TMTC4: variants seen among roughly 807,000 people sequenced by gnomAD.
TMTC4 encodes protein O-mannosyl-transferase TMTC4.
TMTC4 carries 65 observed loss-of-function variants against 86.0 expected under a neutral mutation model. The ratio of observed to expected loss-of-function variants is 0.76; its 90% CI spans 0.62 to 0.93. TMTC4 has a LOEUF of 0.93. Ranked by LOEUF, TMTC4 falls within the 40% of genes least tolerant of loss-of-function variation. The probability of loss-of-function intolerance (pLI) is 0.00; values close to 1 mark genes in which losing one functional copy is unlikely to be tolerated. For synonymous variants in TMTC4, 379 were observed against 382.5 expected (o/e 0.99, Z 0.11); for missense variants, 866 against 948.1 (o/e 0.91, Z 1.14).
chr13:100,630,498 C>T lies in TMTC4; in HGVS notation c.1506+4307G>A, dbSNP rs929371875. Among the ~76,000 whole-genome samples, 7 of 152,114 alleles carry T rather than the reference C, an allele frequency of 4.6e-5. No individual in the cohort carries two copies. The South Asian group carries it at 1.4e-3, about 31-fold the overall frequency. On this transcript the variant is annotated intron_variant, in intron 12 of 18. Transcript: ENST00000342624. ...TTGGAGGAGGCTCAGTTAATGCTAT[C>T]GCTGAAGTGTGTGTTGAGAAAAGTG...
intron 17 of TMTC4, among the ~76,000 whole-genome samples, chr13:100,609,081 C>T (rs1011122173): frequency 1.3e-5 from 2 of 152,048 alleles, no homozygotes; most frequent in South Asian, 2.1e-4. Context: ...AAGTTGAAAC[C>T]GTGACTCACA....
intron 6 of TMTC4, among the ~76,000 whole-genome samples, chr13:100,653,642 G>A (rs1419653734): frequency 2.0e-5 from 3 of 152,178 alleles, no homozygotes; most frequent in Non-Finnish European, 4.4e-5. Context: ...ATGGAATTGA[G>A]GCAGAATTCA....
In TMTC4 at chr13:100,612,654, TACACACACACACACACACACAC is replaced by T. The variant is rs60782137; in HGVS notation, c.1952-166_1952-145del. On this transcript the variant is annotated intron_variant, in intron 16 of 18. Coordinates refer to ENST00000342624, the MANE Select transcript of TMTC4 (RefSeq NM_032813.5). ...AAGAAAATCTGTGTAGATCATGTAA[TACACACACACACACACACACAC>T]ACACACACACACACACACGACGTTA... 2.2e-4 allele frequency: 98 copies of T among 449,118 alleles called. 2 individuals are homozygous for T. The highest frequency in any genetic ancestry group is 2.1e-3 in the South Asian group (69 of 32,458). The allele number at this position is 449,118 out of a possible 1,614,324, so 27.8% of individuals were successfully genotyped here.
In TMTC4 at chr13:100,625,805, C is replaced by T. The variant is rs2138809211; in HGVS notation, c.1674G>A (p.Leu558=). ...RNELQEAEEL[L]SLAVQIQPDF... ...CTTACTGTATTTGAACAGCCAAAGA[C>T]AGCAGCTCCTCAGCTTCCTGTAGCT... is the stretch of plus-strand genomic sequence containing the variant. The change falls in exon 14 of 19, where the codon CTG becomes CTA. Residue 558 remains leucine (L), a synonymous_variant. Coordinates refer to ENST00000342624, the MANE Select transcript of TMTC4 (RefSeq NM_032813.5). 1 of 1,613,814 alleles carries T rather than the reference C, an allele frequency of 6.2e-7. No individual in the cohort carries two copies.
At chr13:100,622,523 T>C (rs1879680113) in intron 15 of TMTC4, among the ~76,000 whole-genome samples, 1 of 152,208 alleles carries the variant, frequency 6.6e-6, no homozygotes, top group Non-Finnish European at 1.5e-5. Flanking sequence ...TGGTAGTGAC[T>C]AAGTCTCATG....
rs376582715 is a variant in TMTC4 at position 100,667,430 on chromosome 13, AAAC to A, written c.219+1146_219+1148del. 2.3e-3 allele frequency among the ~76,000 whole-genome samples: 356 copies of A among 152,288 alleles called. 2 individuals are homozygous for A. Among genetic ancestry groups the A allele is most frequent in the African/African-American group, 8.1e-3 (337 of 41,552 alleles). ...GGCAACAGAACGAGACTCTGTCTCA[AAAC>A]AACAACAACAACGAAAACCCATTAA... is the stretch of plus-strand genomic sequence containing the variant. On this transcript the variant is annotated intron_variant, in intron 3 of 18. Coordinates refer to ENST00000342624, the MANE Select transcript of TMTC4 (RefSeq NM_032813.5).
rs1375557610 is a variant in TMTC4 at position 100,630,650 on chromosome 13, A to G, written c.1506+4155T>C. Among the ~76,000 whole-genome samples, 4 of 152,162 alleles carry G rather than the reference A, an allele frequency of 2.6e-5. 1 individual carries two copies. The highest frequency in any genetic ancestry group is 4.1e-4 in the South Asian group (2 of 4,830). ...TGTCAGTGATGTCCTTGTAGTCCTC[A>G]GAATACAAATACAGCTTCTACTCAG... On this transcript the variant is annotated intron_variant, in intron 12 of 18. Coordinates refer to ENST00000342624, the MANE Select transcript of TMTC4 (RefSeq NM_032813.5).
chr13:100,621,756 A>G (rs1378481283), intron 15 of TMTC4, among the ~76,000 whole-genome samples: 2 of 152,200 alleles, frequency 1.3e-5, no homozygotes, highest in South Asian at 2.1e-4. Context: ...ACCAAGTCTC[A>G]TATTTAGTCA....
chr13:100,663,115 T>A lies in TMTC4; in HGVS notation c.401A>T (p.His134Leu), dbSNP rs1420897203. 1.9e-6 allele frequency: 3 copies of A among 1,614,202 alleles called. No homozygotes were observed. In the South Asian group the frequency reaches 3.3e-5, roughly 18 times the overall value. The stretch of plus-strand genomic sequence containing the variant: ...CACCATGAGGACAGAGATGCCACTG[T>A]GCAGGAGGATGTTGACCACGTGAAA... The part of the protein sequence containing the change: ...VGFHVVNILL[H>L]SGISVLMVDV... Residue 134 changes from histidine (H) to leucine (L), a missense_variant, in exon 5 of 19, where the codon CAC (histidine) becomes CTC (leucine). Transcript: ENST00000342624.
At position 100,623,994 on chromosome 13, in the gene TMTC4, T is replaced by G. The variant is rs775085489; in HGVS notation, c.1836+1541A>C. ...TCTCTTCCTTGCAGTCATCATGACC[T>G]CCATCTCTAGGCCAGTCACCTACTT... On this transcript the variant is annotated intron_variant, in intron 15 of 18. Transcript: ENST00000342624. The G allele has an allele frequency of 1.3e-3, 466 of 358,668 alleles. 5 individuals are homozygous for G. The highest frequency in any genetic ancestry group is 2.2e-3 in the Non-Finnish European group (406 of 182,956). The allele number at this position is 358,668 out of a possible 1,614,324, so 22.2% of individuals were successfully genotyped here.
At chr13:100,673,186 A>G in intron 1 of TMTC4, 1 of 286,538 alleles carries the variant, frequency 3.5e-6, no homozygotes, top group Non-Finnish European at 5.2e-6. Flanking sequence ...ATCATCAGTG[A>G]GAAGGCCAAA....
chr13:100,637,018 G>A (rs1022845077), intron 9 of TMTC4, among the ~76,000 whole-genome samples: 3 of 152,146 alleles, frequency 2.0e-5, no homozygotes, highest in African/African-American at 7.2e-5. Context: ...CCTGAAGCCT[G>A]TGACCTCTAA....
intron 2 of TMTC4, 129 bp from the exon 3 acceptor site, chr13:100,668,923 T>A: frequency 9.9e-7 from 1 of 1,013,954 alleles, no homozygotes; most frequent in Non-Finnish European, 1.4e-6. Context: ...AGTAACAATT[T>A]GAAGCTGTGC....
intron 17 of TMTC4, among the ~76,000 whole-genome samples, chr13:100,608,722 A>G (rs1466132847): frequency 2.0e-5 from 3 of 152,198 alleles, no homozygotes; most frequent in African/African-American, 7.2e-5. Flanking sequence ...TCTTCTGTGG[A>G]GGTCTCTGGA....
chr13:100,638,325 G>C (rs1024294716), intron 7 of TMTC4: 1 of 265,916 alleles, frequency 3.8e-6, no homozygotes, highest in African/African-American at 2.2e-5. Flanking sequence ...AAAAGCCCTC[G>C]AGAGATACCC....
intron 12 of TMTC4, among the ~76,000 whole-genome samples, chr13:100,627,873 T>G (rs1264872227): frequency 2.0e-5 from 3 of 152,040 alleles, no homozygotes; most frequent in African/African-American, 7.2e-5. Context: ...GAAGCAGGTG[T>G]CAGGGGCTCC....
At chr13:100,630,490 A>G (rs1881203761) in intron 12 of TMTC4, among the ~76,000 whole-genome samples, 1 of 152,164 alleles carries the variant, frequency 6.6e-6, no homozygotes, top group South Asian at 2.1e-4. Context: ...AGGCTCAGTT[A>G]ATGCTATCGC....
rs1178279135 is a variant in TMTC4 at position 100,636,616 on chromosome 13, C to G, written c.1118G>C (p.Arg373Thr). 6.2e-7 allele frequency: 1 copy of G among 1,614,206 alleles called. No individual in the cohort carries two copies. The highest frequency in any genetic ancestry group is 1.1e-5 in the South Asian group (1 of 91,082). ...CCAGAGTGCTGCAAGTGCAATTACC[C>G]TCCAGTCGCTGATGGACTTAATGAG... Reference protein sequence around the residue: ...IPLIKSISDWRVIALAALWFC... With the variant: ...IPLIKSISDWTVIALAALWFC... The change falls in exon 10 of 19, where the codon AGG becomes ACG. Residue 373 changes from arginine to threonine, a missense_variant. Physicochemically the swap from Arg to Thr is moderately conservative, Grantham distance 71. Coordinates refer to ENST00000342624, the MANE Select transcript of TMTC4 (RefSeq NM_032813.5).
chr13:100,665,939 G>A (rs567692628), intron 3 of TMTC4: 54 of 448,292 alleles, frequency 1.2e-4, no homozygotes, highest in African/African-American at 9.4e-4. Flanking sequence ...TGCTCCCTTC[G>A]TTGACTCAGT....
Sources: allele counts gnomAD v4.1 joint callset (sites outside exome capture counted in the v4.1 genomes callset), GRCh38; gene constraint gnomAD v4.1.1; transcripts MANE v1.5; gene names NCBI Gene and HGNC (gene_info 2026-07-23, HGNC 2026-07-21).